CAMTA1: variants seen among roughly 807,000 people sequenced by gnomAD.
CAMTA1 encodes calmodulin-binding transcription activator 1.
CAMTA1 carries 27 observed loss-of-function variants against 170.9 expected under a neutral mutation model. That is an observed-to-expected ratio of 0.16 (90% CI 0.12 to 0.22). The LOEUF is 0.22. CAMTA1 is among the 10% of genes least tolerant of loss of function. The pLI is 1.00. For missense variants in CAMTA1, 1,619 were observed against 2,217.2 expected, an observed-to-expected ratio of 0.73 and a Z score of 5.42; for synonymous variants, 833 against 891.5, an observed-to-expected ratio of 0.93 and a Z score of 1.17.
chr1:7,200,500 C>T (rs911500100), intron 4 of CAMTA1, among the ~76,000 whole-genome samples: 3 of 152,272 alleles, frequency 2.0e-5, no homozygotes, highest in Admixed American at 1.3e-4. Flanking sequence ...GATCATGGGG[C>T]GCATTTAGTT....
chr1:7,605,772 C>T (rs1366926403), intron 6 of CAMTA1, among the ~76,000 whole-genome samples: 3 of 152,196 alleles, frequency 2.0e-5, no homozygotes, highest in Admixed American at 1.3e-4. Flanking sequence ...TCTTCTGCGT[C>T]GCTCATGCGG....
chr1:7,700,333 A>G (rs1483381386), intron 11 of CAMTA1, among the ~76,000 whole-genome samples: 1 of 152,038 alleles, frequency 6.6e-6, no homozygotes, highest in East Asian at 1.9e-4. Context: ...TTTTTAAAAT[A>G]TTTTCTATTT....
intron 4 of CAMTA1, among the ~76,000 whole-genome samples, chr1:7,205,294 G>A (rs1657525093): frequency 1.3e-5 from 2 of 151,946 alleles, no homozygotes; most frequent in Non-Finnish European, 2.9e-5. Flanking sequence ...ATAGAGACGG[G>A]GTTTCACTAA....
chr1:7,502,234 C>A (rs1172859977), intron 6 of CAMTA1, among the ~76,000 whole-genome samples: 1 of 152,232 alleles, frequency 6.6e-6, no homozygotes, highest in African/African-American at 2.4e-5. Context: ...CCCCTCCAGA[C>A]CCTGGCCAAC....
chr1:7,496,581 C>T (rs954615315), intron 6 of CAMTA1, among the ~76,000 whole-genome samples: 2 of 152,168 alleles, frequency 1.3e-5, no homozygotes, highest in Admixed American at 6.5e-5. Context: ...AGCAATGTTC[C>T]CCTGGGATTA....
At position 7,056,202 on chromosome 1, in the gene CAMTA1, T is replaced by C. The variant is rs1457227112; in HGVS notation, c.235-35102T>C. On this transcript the variant is annotated intron_variant, in intron 3 of 22. Coordinates refer to ENST00000303635, the MANE Select transcript of CAMTA1 (RefSeq NM_015215.4). Reference sequence around the variant, plus strand: ...GCTCAGGTGATGTGGGTTACACAGCTTTAGGCTCAGTCCTCATCTGGAGTC... The same window carrying C: ...GCTCAGGTGATGTGGGTTACACAGCCTTAGGCTCAGTCCTCATCTGGAGTC... Among the ~76,000 whole-genome samples, 3 of 152,342 alleles carry C rather than the reference T, an allele frequency of 2.0e-5. No homozygotes were observed. In the East Asian group the frequency reaches 5.8e-4, roughly 29 times the overall value.
At chr1:7,231,439 C>A (rs1574064068) in intron 4 of CAMTA1, among the ~76,000 whole-genome samples, 1 of 151,980 alleles carries the variant, frequency 6.6e-6, no homozygotes, top group Non-Finnish European at 1.5e-5. Flanking sequence ...ATGATCTCGT[C>A]TCGGCTCACT....
At chr1:6,854,881 C>T (rs368168460) in intron 3 of CAMTA1, among the ~76,000 whole-genome samples, 1 of 152,174 alleles carries the variant, frequency 6.6e-6, no homozygotes, top group South Asian at 2.1e-4. Flanking sequence ...AAAGATTACT[C>T]AGAAAAATCC....
At chr1:6,806,534 A>G (rs1644527423) in intron 1 of CAMTA1, among the ~76,000 whole-genome samples, 1 of 152,230 alleles carries the variant, frequency 6.6e-6, no homozygotes, top group Non-Finnish European at 1.5e-5. Flanking sequence ...TTAAAAACAC[A>G]AAATTTTGTT....
Position 6,922,559 on chromosome 1 carries a change from G to A in CAMTA1, c.234+97349G>A, listed in dbSNP as rs566953169. Among the ~76,000 whole-genome samples, 7 of 152,280 alleles carry A rather than the reference G, an allele frequency of 4.6e-5. No homozygotes were observed. In the South Asian group the frequency reaches 1.0e-3, roughly 23 times the overall value. On this transcript the variant is annotated intron_variant, in intron 3 of 22. Coordinates refer to ENST00000303635, the MANE Select transcript of CAMTA1 (RefSeq NM_015215.4). ...TTCTCCATGTGGTTTTCAGCATGAC[G>A]GCTGCAGGACAGCCACATTTCTCCC...
At chr1:7,677,405 T>C (rs955443854) in intron 10 of CAMTA1, among the ~76,000 whole-genome samples, 194 bp from the exon 11 acceptor site, 5 of 152,202 alleles carry the variant, frequency 3.3e-5, no homozygotes, top group African/African-American at 1.2e-4. Flanking sequence ...TGGCTGAGTC[T>C]GGGCGAACCA....
intron 4 of CAMTA1, among the ~76,000 whole-genome samples, chr1:7,137,138 T>C (rs1645591265): frequency 6.6e-6 from 1 of 151,940 alleles, no homozygotes; most frequent in Non-Finnish European, 1.5e-5. Context: ...CTGGGAGTCA[T>C]CGTTTATTGT....
chr1:7,162,647 T>G (rs189709859), intron 4 of CAMTA1, among the ~76,000 whole-genome samples: 1 of 152,382 alleles, frequency 6.6e-6, no homozygotes, highest in East Asian at 1.9e-4. Flanking sequence ...AGTACTTTGT[T>G]CCTTTCTATG....
rs946037833 is a variant in CAMTA1, at chr1:7,649,307, G to A, written c.664+8754G>A. 1.2e-4 allele frequency among the ~76,000 whole-genome samples: 19 copies of A among 152,348 alleles called. 1 individual carries two copies. The highest frequency in any genetic ancestry group is 3.9e-4 in the Admixed American group (6 of 15,306). On this transcript the variant is annotated intron_variant, in intron 7 of 22. Coordinates refer to ENST00000303635, the MANE Select transcript of CAMTA1 (RefSeq NM_015215.4). ...GCTCGGTCCCTGAGAGCAGAGGCCCGGCTCCCTGCCTGCATCTGCGGGGCC... is the reference window on the plus strand; with the variant it reads ...GCTCGGTCCCTGAGAGCAGAGGCCCAGCTCCCTGCCTGCATCTGCGGGGCC...
At chr1:7,478,314 A>G (rs1298889154) in intron 6 of CAMTA1, among the ~76,000 whole-genome samples, 1 of 152,234 alleles carries the variant, frequency 6.6e-6, no homozygotes, top group East Asian at 1.9e-4. Flanking sequence ...CCGCAGCCTC[A>G]GGCGGGAATC....
At chr1:7,729,069 ATTG>A (rs1235727219) in intron 11 of CAMTA1, among the ~76,000 whole-genome samples, 3 of 151,616 alleles carry the variant, frequency 2.0e-5, no homozygotes, top group Non-Finnish European at 4.4e-5. Flanking sequence ...TCTTTCTTGC[ATTG>A]TTGTTCCTGG....
intron 11 of CAMTA1, among the ~76,000 whole-genome samples, chr1:7,689,221 C>G (rs1024734469): frequency 7.0e-6 from 1 of 142,010 alleles, no homozygotes; most frequent in African/African-American, 2.7e-5. Flanking sequence ...GAGCCAAGAC[C>G]ACACCATTGC....
chr1:7,206,196 A>C (rs1026745223), intron 4 of CAMTA1, among the ~76,000 whole-genome samples: 1 of 152,136 alleles, frequency 6.6e-6, no homozygotes, highest in African/African-American at 2.4e-5. Context: ...TTCCCACATG[A>C]ACTATAGTAT....
At chr1:7,150,511 T>C (rs1646511333) in intron 4 of CAMTA1, among the ~76,000 whole-genome samples, 1 of 151,762 alleles carries the variant, frequency 6.6e-6, no homozygotes, top group South Asian at 2.1e-4. Context: ...AATTCTTCGT[T>C]GTTAGGGCCA....
Sources: gnomAD v4.1 joint callset for allele counts (sites outside exome capture counted in the v4.1 genomes callset) on GRCh38, gnomAD v4.1.1 for gene constraint, MANE v1.5 for transcripts, NCBI Gene and HGNC (gene_info 2026-07-23, HGNC 2026-07-21) for gene names.